The following RBMS3 variants were observed in gnomAD, a reference collection of about 807,000 sequenced individuals.
The protein encoded by RBMS3 is RNA binding motif single stranded interacting protein 3.
Under a neutral mutation model 66.8 loss-of-function variants are expected in RBMS3, and 27 were observed. The ratio of observed to expected loss-of-function variants is 0.40; its 90% CI spans 0.30 to 0.56. The LOEUF (loss-of-function observed/expected upper bound fraction) is 0.56. RBMS3 is among the 20% of genes least tolerant of loss of function. RBMS3 has a pLI of 0.40. For missense variants in RBMS3, 513 were observed against 549.5 expected (o/e 0.93, Z 0.66); for synonymous variants, 188 against 183.0 (o/e 1.03, Z -0.22).
intron 5 of RBMS3, among the ~76,000 whole-genome samples, chr3:29,754,114 T>A (rs1274018856): frequency 6.6e-6 from 1 of 151,942 alleles, no homozygotes; most frequent in Non-Finnish European, 1.5e-5. Context: ...CCCACCACCA[T>A]GCCTAATTTT....
intron 1 of RBMS3, among the ~76,000 whole-genome samples, chr3:29,314,383 G>A (rs1405489782): frequency 6.6e-6 from 1 of 151,578 alleles, no homozygotes; most frequent in African/African-American, 2.4e-5. Context: ...TGTCCTATTA[G>A]TATCCTCATT....
Position 29,995,873 on chromosome 3 carries a change from A to C in RBMS3, c.1307+4664A>C, listed in dbSNP as rs1010156379. Among the ~76,000 whole-genome samples, 21 of 152,076 alleles carry C rather than the reference A, an allele frequency of 1.4e-4. 1 individual carries two copies. The highest frequency in any genetic ancestry group is 8.3e-4 in the South Asian group (4 of 4,824). On this transcript the variant is annotated intron_variant, in intron 14 of 14. Transcript: ENST00000383767. ...AACTGCATCAACTAATGAGCAAAATAACCAGCTAACATCATAATGACAGGA... is the reference window on the plus strand; with the variant it reads ...AACTGCATCAACTAATGAGCAAAATCACCAGCTAACATCATAATGACAGGA...
At chr3:29,877,032 A>G (rs2059624930) in intron 7 of RBMS3, among the ~76,000 whole-genome samples, 2 of 152,204 alleles carry the variant, frequency 1.3e-5, no homozygotes, top group South Asian at 2.1e-4. Context: ...AATATAGGAG[A>G]AGATATTATA....
At chr3:29,964,394 C>T (rs73829212) in intron 12 of RBMS3, among the ~76,000 whole-genome samples, 1,709 of 152,294 alleles carry the variant, frequency 0.011, 38 homozygotes, top group African/African-American at 0.039. Context: ...AGCAGAAATA[C>T]AGTGCCAGGA....
chr3:29,292,091 T>A (rs901311432), intron 1 of RBMS3, among the ~76,000 whole-genome samples: 1 of 151,684 alleles, frequency 6.6e-6, no homozygotes, highest in Non-Finnish European at 1.5e-5. Context: ...TCACCCTATG[T>A]TTTGATTCTC....
At chr3:29,343,959 A>G (rs1338020166) in intron 1 of RBMS3, among the ~76,000 whole-genome samples, 2 of 152,196 alleles carry the variant, frequency 1.3e-5, no homozygotes, top group South Asian at 4.1e-4. Context: ...TTTTCATTTT[A>G]CAGATACAGA....
At chr3:29,444,483 A>T (rs894981619) in intron 2 of RBMS3, among the ~76,000 whole-genome samples, 5 of 152,088 alleles carry the variant, frequency 3.3e-5, no homozygotes, top group Non-Finnish European at 2.9e-5. Flanking sequence ...GAGAATGAGA[A>T]ACCAAGAAAG....
intron 3 of RBMS3, among the ~76,000 whole-genome samples, chr3:29,562,423 A>G (rs2046589663): frequency 6.6e-6 from 1 of 152,132 alleles, no homozygotes; most frequent in South Asian, 2.1e-4. Context: ...AAAATTTTAA[A>G]AATAGTGCTG....
chr3:29,516,214 A>T (rs1396465315), intron 3 of RBMS3, among the ~76,000 whole-genome samples: 2 of 152,204 alleles, frequency 1.3e-5, no homozygotes, highest in Admixed American at 1.3e-4. Flanking sequence ...AGAATCAAGT[A>T]AGATCAGTTT....
intron 2 of RBMS3, among the ~76,000 whole-genome samples, chr3:29,443,054 T>C (rs1166400940): frequency 5.3e-5 from 8 of 152,148 alleles, no homozygotes; most frequent in Non-Finnish European, 1.2e-4. Context: ...CATATCTCAT[T>C]ATTCCCTAGA....
At chr3:29,634,225 A>G (rs1559525349) in intron 4 of RBMS3, among the ~76,000 whole-genome samples, 1 of 151,922 alleles carries the variant, frequency 6.6e-6, no homozygotes, top group Non-Finnish European at 1.5e-5. Context: ...GAAGTACAGC[A>G]TGTTGTCTCA....
intron 6 of RBMS3, among the ~76,000 whole-genome samples, chr3:29,791,864 T>TG (rs1483489107): frequency 5.3e-5 from 8 of 152,228 alleles, no homozygotes; most frequent in Admixed American, 3.3e-4. Context: ...AAAAAAAACT[T>TG]GAATTGCCAC....
intron 1 of RBMS3, among the ~76,000 whole-genome samples, chr3:29,374,382 T>C (rs959934317): frequency 1.3e-5 from 2 of 152,198 alleles, no homozygotes; most frequent in Non-Finnish European, 2.9e-5. Flanking sequence ...AGAGCCAATA[T>C]TAAAAGTTAC....
chr3:29,503,235 A>C (rs1426745873), intron 3 of RBMS3, among the ~76,000 whole-genome samples: 1 of 152,040 alleles, frequency 6.6e-6, no homozygotes, highest in Admixed American at 6.6e-5. Flanking sequence ...GCTAAGGCCA[A>C]TTATTTCTTT....
At chr3:29,913,173 T>G (rs1274232413) in intron 10 of RBMS3, among the ~76,000 whole-genome samples, 3 of 152,046 alleles carry the variant, frequency 2.0e-5, no homozygotes, top group Admixed American at 2.0e-4. Flanking sequence ...CAAACGGAAC[T>G]GATAGAATAG....
chr3:29,498,002 TTTTTTTTTGG>T (rs2043824470), intron 3 of RBMS3, among the ~76,000 whole-genome samples: 4 of 102,530 alleles, frequency 3.9e-5, no homozygotes, highest in African/African-American at 1.6e-4. Flanking sequence ...TTTTTTTTTT[TTTTTTTTTGG>T]GAGACAGAGT....
At chr3:29,343,401 A>T (rs1017369879) in intron 1 of RBMS3, among the ~76,000 whole-genome samples, 7 of 152,162 alleles carry the variant, frequency 4.6e-5, no homozygotes, top group Non-Finnish European at 1.0e-4. Flanking sequence ...GCAATTTGAC[A>T]TATTAACTAC....
chr3:29,830,651 T>G (rs1372035351), intron 6 of RBMS3, among the ~76,000 whole-genome samples: 1 of 152,156 alleles, frequency 6.6e-6, no homozygotes, highest in Non-Finnish European at 1.5e-5. Context: ...CATGGTTTTT[T>G]GACTCTTTCA....
chr3:29,825,298 A>T, intron 6 of RBMS3, among the ~76,000 whole-genome samples: 1 of 152,094 alleles, frequency 6.6e-6, no homozygotes, highest in Admixed American at 6.5e-5. Context: ...CATCCTCCCA[A>T]TGTGCTGGGA....
Sources: gnomAD v4.1 joint callset for allele counts (sites outside exome capture counted in the v4.1 genomes callset) on GRCh38, gnomAD v4.1.1 for gene constraint, MANE v1.5 for transcripts, NCBI Gene and HGNC (gene_info 2026-07-23, HGNC 2026-07-21) for gene names.